The following MYO9A variants were observed in gnomAD, a reference collection of about 807,000 sequenced individuals.
The protein encoded by MYO9A is unconventional myosin-IXa.
In MYO9A, 103 loss-of-function variants were observed where a neutral mutation model predicts 293.3. The ratio of observed to expected loss-of-function variants is 0.35; its 90% confidence interval spans 0.30 to 0.41. The LOEUF (loss-of-function observed/expected upper bound fraction) is 0.41. Among genes scored for constraint, MYO9A ranks in the 10% least tolerant of loss-of-function variants. The probability of loss-of-function intolerance (pLI) is 1.00; values close to 1 mark genes in which losing one functional copy is unlikely to be tolerated. For missense variants in MYO9A, 2,685 were observed against 3,033.0 expected (o/e 0.89, Z 2.69); for synonymous variants, 1,001 against 1,035.7 (o/e 0.97, Z 0.64).
rs78476168 is a variant in MYO9A, at chr15:71,999,944, T to C, written c.1381-4A>G. 533 of 1,604,442 alleles carry C rather than the reference T, an allele frequency of 3.3e-4. 4 individuals are homozygous for C. In the East Asian group the frequency reaches 0.012, roughly 35 times the overall value. ...CAAATAGCATCTCTTCTTTAACCTATAAAACAGAAAAGTAAACTCAATATG... is the reference window on the plus strand; with the variant it reads ...CAAATAGCATCTCTTCTTTAACCTACAAAACAGAAAAGTAAACTCAATATG... On this transcript the variant is annotated splice_polypyrimidine_tract_variant and splice_region_variant and intron_variant, in intron 8 of 41. Transcript: ENST00000356056.
chr15:72,020,458 AAT>A (rs1473596708), intron 5 of MYO9A, among the ~76,000 whole-genome samples: 5 of 152,194 alleles, frequency 3.3e-5, no homozygotes, highest in Admixed American at 2.6e-4. Flanking sequence ...AAATTATAAA[AAT>A]AGTCATACTC....
intron 39 of MYO9A, among the ~76,000 whole-genome samples, chr15:71,847,966 T>C (rs974146076): frequency 2.0e-5 from 3 of 152,028 alleles, no homozygotes; most frequent in East Asian, 1.9e-4. Flanking sequence ...ACTGTGAAGA[T>C]ATGGGAGGAA....
intron 18 of MYO9A, among the ~76,000 whole-genome samples, chr15:71,925,161 ATGTG>A (rs1596204915): frequency 5.0e-3 from 4 of 798 alleles, no homozygotes; most frequent in East Asian, 0.062. Context: ...ACATATATAC[ATGTG>A]TATATATACA....
chr15:72,039,209 T>C (rs1175495654), intron 2 of MYO9A, among the ~76,000 whole-genome samples: 2 of 152,230 alleles, frequency 1.3e-5, no homozygotes, highest in African/African-American at 2.4e-5. Flanking sequence ...AAGTATGTCA[T>C]TGTTTTAGAA....
In MYO9A at chr15:71,879,960, T is replaced by A. The variant is rs577322806; in HGVS notation, c.5623-123A>T. On this transcript the variant is annotated intron_variant, in intron 29 of 41. Coordinates refer to ENST00000356056, the MANE Select transcript of MYO9A (RefSeq NM_006901.4). ...TCAAAGTGCAAGCCACAGGCTATTA[T>A]AGGACTCAGGTGAAAGTTATGACTA... The A allele has an allele frequency of 7.3e-6, 5 of 681,754 alleles. No homozygotes were observed. In the East Asian group the frequency reaches 1.3e-4, roughly 18 times the overall value. The allele number at this position is 681,754 out of a possible 1,614,324, so 42.2% of individuals were successfully genotyped here.
intron 1 of MYO9A, among the ~76,000 whole-genome samples, chr15:72,058,384 GAGTTGAAC>G (rs1172037072): frequency 6.6e-6 from 1 of 152,040 alleles, no homozygotes; most frequent in Non-Finnish European, 1.5e-5. Context: ...TACCTAATTT[GAGTTGAAC>G]AGCAATTCTT....
At chr15:72,103,464 G>A (rs1263799551) in intron 1 of MYO9A, among the ~76,000 whole-genome samples, 1 of 151,076 alleles carries the variant, frequency 6.6e-6, no homozygotes, top group Non-Finnish European at 1.5e-5. Flanking sequence ...AGAAGAAGAA[G>A]CAGCAGCAGA....
chr15:71,837,855 C>A (rs1375713610), intron 39 of MYO9A, among the ~76,000 whole-genome samples: 1 of 152,024 alleles, frequency 6.6e-6, no homozygotes, highest in Non-Finnish European at 1.5e-5. Flanking sequence ...ATGAGTAATA[C>A]AAAATTTGCA....
chr15:72,007,987 T>C (rs1188026709), intron 7 of MYO9A, 35 bp from the exon 8 acceptor site: 7 of 1,585,842 alleles, frequency 4.4e-6, no homozygotes, highest in Non-Finnish European at 6.0e-6. Flanking sequence ...AGCTTAGTTG[T>C]GTCCATTCCC....
chr15:72,112,232 A>AAAT (rs2080804752), intron 1 of MYO9A, among the ~76,000 whole-genome samples: 8 of 152,090 alleles, frequency 5.3e-5, no homozygotes, highest in Admixed American at 2.6e-4. Context: ...AATAAATAAA[A>AAAT]AAAACACACA....
Position 71,875,829 on chromosome 15 carries a change from T to G in MYO9A, c.5941A>C (p.Thr1981Pro). The change falls in exon 32 of 42, where the codon ACA becomes CCA. Residue 1981 changes from threonine (T) to proline (P), a missense_variant. Thr to Pro is a conservative substitution (Grantham distance 38). Transcript: ENST00000356056. ...SDCTATKVPK[T>P]ERKKRRKKET... ...TTTTTCCTTCTTTTCTTTCTTTCTG[T>G]TTTTGGCACCTGACAGGGGGACAGG... The G allele has an allele frequency of 7.3e-7, 1 of 1,366,318 alleles. No homozygotes were observed. 84.6% of individuals were successfully genotyped at this position (1,366,318 alleles called of 1,614,324 possible).
intron 13 of MYO9A, among the ~76,000 whole-genome samples, chr15:71,964,934 G>A (rs1195598950): frequency 2.0e-5 from 3 of 151,182 alleles, no homozygotes; most frequent in South Asian, 4.2e-4. Flanking sequence ...CAGCCTGGGT[G>A]ATAAAACAAG....
intron 9 of MYO9A, among the ~76,000 whole-genome samples, chr15:71,995,262 G>A (rs1567360694): frequency 6.6e-6 from 1 of 152,230 alleles, no homozygotes; most frequent in East Asian, 1.9e-4. Flanking sequence ...GAATAAATCT[G>A]TTAGGAAAAA....
At chr15:71,989,439 T>C (rs776934089) in intron 11 of MYO9A, among the ~76,000 whole-genome samples, 1 of 152,164 alleles carries the variant, frequency 6.6e-6, no homozygotes, top group East Asian at 1.9e-4. Context: ...AATCCACAGA[T>C]GCGCAAGTCT....
intron 1 of MYO9A, among the ~76,000 whole-genome samples, chr15:72,062,739 G>C (rs1033190248): frequency 6.6e-6 from 1 of 152,172 alleles, no homozygotes; most frequent in Non-Finnish European, 1.5e-5. Context: ...GAGTTATTGA[G>C]GCTGGGTGCT....
In MYO9A at chr15:71,825,508, T is replaced by A. The variant is rs1555456542; in HGVS notation, c.*1072A>T. The A allele has an allele frequency of 6.6e-6, 1 of 152,206 alleles. No homozygotes were observed. Among genetic ancestry groups the A allele is most frequent in the Non-Finnish European group, 1.5e-5 (1 of 68,044 alleles). 9.4% of individuals were successfully genotyped at this position (152,206 alleles called of 1,614,324 possible). ...AGTTAGATAGGTCATATTAAAAACC[T>A]TTTTATTTTTTGGCAGCTTTCTGTA... is the stretch of plus-strand genomic sequence containing the variant. On this transcript the variant is annotated 3_prime_UTR_variant, in exon 42 of 42. Transcript: ENST00000356056.
At chr15:72,007,786 AC>A in intron 8 of MYO9A, 39 bp downstream of exon 8, 1 of 1,585,652 alleles carries the variant, frequency 6.3e-7, no homozygotes, top group Non-Finnish European at 8.6e-7. Flanking sequence ...ATAAAAAGTT[AC>A]AAAGATTTGA....
intron 10 of MYO9A, among the ~76,000 whole-genome samples, chr15:71,991,750 G>A (rs530306513): frequency 7.2e-5 from 11 of 152,216 alleles, no homozygotes; most frequent in African/African-American, 2.4e-4. Flanking sequence ...ATGTCAGAAC[G>A]TATGGTTTCT....
At chr15:71,975,468 G>A (rs373886122) in intron 12 of MYO9A, among the ~76,000 whole-genome samples, 5 of 147,986 alleles carry the variant, frequency 3.4e-5, no homozygotes, top group Non-Finnish European at 7.4e-5. Context: ...AACTACCACA[G>A]CCCTTGGTGT....
Sources: gnomAD v4.1 joint callset for allele counts (sites outside exome capture counted in the v4.1 genomes callset) on GRCh38, gnomAD v4.1.1 for gene constraint, MANE v1.5 for transcripts, NCBI Gene and HGNC (gene_info 2026-07-23, HGNC 2026-07-21) for gene names.